MLLT1: variants seen among roughly 807,000 people sequenced by gnomAD.
MLLT1 encodes MLLT1 super elongation complex subunit, also known as protein ENL.
MLLT1 carries 11 observed loss-of-function variants against 55.1 expected under a neutral mutation model. The observed-to-expected ratio is 0.20, with a 90% CI of 0.13 to 0.33. The LOEUF (loss-of-function observed/expected upper bound fraction) is 0.33, where lower values mean the gene tolerates loss of function less well. Ranked by LOEUF, MLLT1 falls within the 10% of genes least tolerant of loss-of-function variation. The pLI is 1.00. For synonymous variants in MLLT1, 323 were observed against 320.1 expected (o/e 1.01, Z -0.10); for missense variants, 536 against 760.6 (o/e 0.70, Z 3.47).
rs1028201893 is a variant in MLLT1, at chr19:6,219,889, C to T, written c.1111-1848G>A. ...CAGGCACACGCATCCCCTTTCCTTC[C>T]GCCCAAATCCAAGGGGCAGGGAGGA... On this transcript the variant is annotated intron_variant, in intron 6 of 11. Coordinates refer to ENST00000252674, the MANE Select transcript of MLLT1 (RefSeq NM_005934.4). The surrounding 1 kb of genome is among the most constrained non-coding windows in gnomAD (Gnocchi z 4.5). 2.0e-4 allele frequency among the ~76,000 whole-genome samples: 30 copies of T among 152,344 alleles called. No individual in the cohort carries two copies. The highest frequency in any genetic ancestry group is 1.0e-3 in the South Asian group (5 of 4,830).
At chr19:6,248,874 A>G (rs1462551561) in intron 3 of MLLT1, among the ~76,000 whole-genome samples, 5 of 152,188 alleles carry the variant, frequency 3.3e-5, no homozygotes, top group Admixed American at 6.6e-5. Flanking sequence ...TCCTATGGGA[A>G]TTCTCTGTAC....
intron 3 of MLLT1, among the ~76,000 whole-genome samples, chr19:6,245,754 C>CT (rs755294633): frequency 3.8e-4 from 58 of 152,136 alleles, no homozygotes; most frequent in Non-Finnish European, 6.3e-4. Flanking sequence ...GAAAAACTCA[C>CT]TGGGTGTGGT....
At chr19:6,216,704 T>C (rs2090848045) in intron 7 of MLLT1, 191 bp from the exon 8 acceptor site, 1 of 545,974 alleles carries the variant, frequency 1.8e-6, no homozygotes, top group Non-Finnish European at 3.3e-6. Context: ...CCGCTTCCCC[T>C]AGAACGCCCT....
chr19:6,248,515 T>A (rs1163373952), intron 3 of MLLT1, among the ~76,000 whole-genome samples: 1 of 152,156 alleles, frequency 6.6e-6, no homozygotes, highest in Non-Finnish European at 1.5e-5. Context: ...CTTCCTAATA[T>A]GATGGAAGAG....
intron 8 of MLLT1, 46 bp downstream of exon 8, chr19:6,216,359 G>A (rs370556804): frequency 4.1e-5 from 58 of 1,410,802 alleles, no homozygotes; most frequent in African/African-American, 9.9e-5. Flanking sequence ...AGCCGGAGTC[G>A]CCCCGGGTGG....
chr19:6,269,722 C>T (rs918711952), intron 2 of MLLT1, among the ~76,000 whole-genome samples: 1 of 152,160 alleles, frequency 6.6e-6, no homozygotes, highest in Non-Finnish European at 1.5e-5. Context: ...GCTCCCGGGA[C>T]CCCCGTATTG....
rs1043957447 is a variant in MLLT1 at position 6,235,268 on chromosome 19, C to T, written c.277-4555G>A. ...GCAGCACGGCTGTGCAGAGGATGAA[C>T]GTGGCTGGGGGGCATCCTCGTGCAG... On this transcript the variant is annotated intron_variant, in intron 3 of 11. Coordinates refer to ENST00000252674, the MANE Select transcript of MLLT1 (RefSeq NM_005934.4). The surrounding 1 kb of genome is among the most constrained non-coding windows in gnomAD (Gnocchi z 5.5). 6.6e-5 allele frequency among the ~76,000 whole-genome samples: 10 copies of T among 152,196 alleles called. No homozygotes were observed. The highest frequency in any genetic ancestry group is 2.2e-4 in the African/African-American group (9 of 41,450).
chr19:6,221,604 G>C (rs2090897171), intron 6 of MLLT1, among the ~76,000 whole-genome samples: 1 of 152,242 alleles, frequency 6.6e-6, no homozygotes, highest in Non-Finnish European at 1.5e-5. Context: ...GACCCCACCA[G>C]CCACCTAAAT....
At position 6,231,979 on chromosome 19, in the gene MLLT1, G is replaced by A. The variant is rs2091015694; in HGVS notation, c.277-1266C>T. 6.6e-6 allele frequency among the ~76,000 whole-genome samples: 1 copy of A among 152,092 alleles called. No individual in the cohort carries two copies. Among genetic ancestry groups the A allele is most frequent in the African/African-American group, 2.4e-5 (1 of 41,424 alleles). Reference sequence around the variant, plus strand: ...GGGCCGGGCGCGGTGGCTCACGCCTGTAACCCAGAACTCTGGGAGGTTGAG... The same window carrying A: ...GGGCCGGGCGCGGTGGCTCACGCCTATAACCCAGAACTCTGGGAGGTTGAG... On this transcript the variant is annotated intron_variant, in intron 3 of 11. Transcript: ENST00000252674. The surrounding 1 kb of genome is among the most constrained non-coding windows in gnomAD (Gnocchi z 5.1).
Position 6,273,816 on chromosome 19 carries a change from G to T in MLLT1, c.13-3057C>A, listed in dbSNP as rs765977230. Among the ~76,000 whole-genome samples the T allele has an allele frequency of 1.3e-5, 2 of 152,170 alleles. No individual in the cohort carries two copies. Among genetic ancestry groups the T allele is most frequent in the Non-Finnish European group, 2.9e-5 (2 of 68,028 alleles). The stretch of plus-strand genomic sequence containing the variant: ...TCGGAATCGCTTATTCACTGACCCG[G>T]CCACTCAGACCTCGGCCGACTTCCC... On this transcript the variant is annotated intron_variant, in intron 1 of 11. Coordinates refer to ENST00000252674, the MANE Select transcript of MLLT1 (RefSeq NM_005934.4). This position sits in a 1 kb window ranked among gnomAD's most constrained non-coding sequence, Gnocchi z 4.3.
chr19:6,251,609 A>C (rs768231121), intron 3 of MLLT1, among the ~76,000 whole-genome samples: 59 of 152,352 alleles, frequency 3.9e-4, no homozygotes, highest in Admixed American at 9.2e-4. Flanking sequence ...TTAATTTTAG[A>C]TGTCAACTTG....
At chr19:6,255,656 C>T (rs2091251383) in intron 3 of MLLT1, among the ~76,000 whole-genome samples, 2 of 152,114 alleles carry the variant, frequency 1.3e-5, no homozygotes, top group Admixed American at 1.3e-4. Flanking sequence ...TAAGATGTTT[C>T]AAAAATGACT....
chr19:6,234,170 G>GC (rs2144884645), intron 3 of MLLT1, among the ~76,000 whole-genome samples: 1 of 152,352 alleles, frequency 6.6e-6, no homozygotes, highest in East Asian at 1.9e-4. Flanking sequence ...CCAGGAGCAC[G>GC]CGTGGCCTCA....
rs759061548 is a variant in MLLT1 at position 6,222,107 on chromosome 19, C to G, written c.1110+14G>C. ...TGCCTGCACCTGGCTGCCCTGCCCC[C>G]AGCACTCACTCACCTCGGACTTGAA... On this transcript the variant is annotated intron_variant, in intron 6 of 11. Coordinates refer to ENST00000252674, the MANE Select transcript of MLLT1 (RefSeq NM_005934.4). The surrounding 1 kb of genome is among the most constrained non-coding windows in gnomAD (Gnocchi z 4.1). The G allele has an allele frequency of 6.7e-7, 1 of 1,496,778 alleles. No homozygotes were observed. The allele number at this position is 1,496,778 out of a possible 1,614,324, so 92.7% of individuals were successfully genotyped here.
chr19:6,220,851 G>A (rs1224188190), intron 6 of MLLT1, among the ~76,000 whole-genome samples: 1 of 152,198 alleles, frequency 6.6e-6, no homozygotes, highest in Non-Finnish European at 1.5e-5. Flanking sequence ...TCCCACAGCT[G>A]GGAGGGCTAC....
rs1296179624 is a variant in MLLT1 at position 6,231,760 on chromosome 19, C to G, written c.277-1047G>C. 6.6e-6 allele frequency among the ~76,000 whole-genome samples: 1 copy of G among 152,014 alleles called. No homozygotes were observed. The highest frequency in any genetic ancestry group is 2.4e-5 in the African/African-American group (1 of 41,410). On this transcript the variant is annotated intron_variant, in intron 3 of 11. Coordinates refer to ENST00000252674, the MANE Select transcript of MLLT1 (RefSeq NM_005934.4). This position sits in a 1 kb window ranked among gnomAD's most constrained non-coding sequence, Gnocchi z 5.1. Reference sequence around the variant, plus strand: ...TCGTGACCCACCCGCCTCAGCCTCCCAAAGTGCTGGGATTACAGGTGTGAG... The same window carrying G: ...TCGTGACCCACCCGCCTCAGCCTCCGAAAGTGCTGGGATTACAGGTGTGAG...
At chr19:6,221,321 G>A (rs993522425) in intron 6 of MLLT1, among the ~76,000 whole-genome samples, 4 of 152,174 alleles carry the variant, frequency 2.6e-5, no homozygotes, top group East Asian at 1.9e-4. Context: ...AGATAATAGC[G>A]CTGGAAGACA....
At chr19:6,252,005 G>C (rs921537273) in intron 3 of MLLT1, among the ~76,000 whole-genome samples, 4 of 152,154 alleles carry the variant, frequency 2.6e-5, no homozygotes, top group African/African-American at 9.7e-5. Context: ...ATTATTTCTG[G>C]GTGTGTCTAT....
chr19:6,226,327 CTG>C lies in MLLT1; in HGVS notation c.546+648_546+649del, dbSNP rs1254654979. Reference sequence around the variant, plus strand: ...GGCGTGCTCAGGGGTTAAAGGGACACTGTGATGCCATCAAAGGGCTTTCTAGC... The same window carrying C: ...GGCGTGCTCAGGGGTTAAAGGGACACTGATGCCATCAAAGGGCTTTCTAGC... On this transcript the variant is annotated intron_variant, in intron 5 of 11. Coordinates refer to ENST00000252674, the MANE Select transcript of MLLT1 (RefSeq NM_005934.4). This position sits in a 1 kb window ranked among gnomAD's most constrained non-coding sequence, Gnocchi z 6.3. 6.6e-6 allele frequency among the ~76,000 whole-genome samples: 1 copy of C among 152,234 alleles called. No individual in the cohort carries two copies. The highest frequency in any genetic ancestry group is 1.5e-5 in the Non-Finnish European group (1 of 68,042).
Sources: gnomAD v4.1 joint callset for allele counts (sites outside exome capture counted in the v4.1 genomes callset) on GRCh38, gnomAD v4.1.1 for gene constraint, Gnocchi (gnomAD v3.1) non-coding constraint, MANE v1.5 for transcripts, NCBI Gene and HGNC (gene_info 2026-07-23, HGNC 2026-07-21) for gene names.